The following FHIP2B variants were observed in gnomAD, a reference collection of about 807,000 sequenced individuals.
FHIP2B encodes FHF complex subunit HOOK interacting protein 2B, also known as FHF complex subunit HOOK-interacting protein 2B.
In FHIP2B, 72 loss-of-function variants were observed where a neutral mutation model predicts 84.0. The ratio of observed to expected loss-of-function variants is 0.86; its 90% confidence interval spans 0.71 to 1.04. The LOEUF (loss-of-function observed/expected upper bound fraction) is 1.04, where lower values mean the gene tolerates loss of function less well. Ranked by LOEUF, FHIP2B falls within the 50% of genes least tolerant of loss-of-function variation. The pLI is 0.00. For missense variants in FHIP2B, 972 were observed against 968.9 expected (o/e 1.00, Z -0.04); for synonymous variants, 497 against 418.7 (o/e 1.19, Z -2.28).
chr8:22,099,078 C>G (rs1586335867), intron 8 of FHIP2B, 22 bp downstream of exon 8: 1 of 1,558,264 alleles, frequency 6.4e-7, no homozygotes, highest in Non-Finnish European at 8.7e-7. Context: ...CGGGCGGAGG[C>G]CGGGCTCTCA....
chr8:22,097,813 C>T lies in FHIP2B; in HGVS notation c.499C>T (p.Pro167Ser). 6.2e-7 allele frequency: 1 copy of T among 1,613,472 alleles called. No homozygotes were observed. Among genetic ancestry groups the T allele is most frequent in the Non-Finnish European group, 8.5e-7 (1 of 1,179,796 alleles). Residue 167 changes from proline to serine, a missense_variant, in exon 5 of 17, where the codon CCA becomes TCA. Transcript: ENST00000289921. ...CCTCTGCTCCAAGATCCAGCAGGACCCAGAGCTGCTCGCCTACATCCTGGA... is the reference window on the plus strand; with the variant it reads ...CCTCTGCTCCAAGATCCAGCAGGACTCAGAGCTGCTCGCCTACATCCTGGA... The part of the protein sequence containing the change: ...TVLCSKIQQD[P>S]ELLAYILEGK...
At chr8:22,099,124 A>G (rs1825958329) in intron 8 of FHIP2B, 68 bp downstream of exon 8, 2 of 1,504,268 alleles carry the variant, frequency 1.3e-6, no homozygotes, top group Non-Finnish European at 1.8e-6. Flanking sequence ...TCGAGGACCA[A>G]GTGGAGCAGG....
At position 22,094,533 on chromosome 8, in the gene FHIP2B, T is replaced by G. The variant is rs1281687802; in HGVS notation, c.124+15T>G. The G allele has an allele frequency of 6.2e-7, 1 of 1,608,294 alleles. No homozygotes were observed. The stretch of plus-strand genomic sequence containing the variant: ...CGAGAGCACAGGTGCGGCCTGGCCC[T>G]CCCCAGCCCAGGGACCCTGGAGGGA... On this transcript the variant is annotated intron_variant, in intron 2 of 16. Coordinates refer to ENST00000289921, the MANE Select transcript of FHIP2B (RefSeq NM_022749.7).
intron 5 of FHIP2B, 63 bp from the exon 6 acceptor site, chr8:22,098,004 TC>T: frequency 6.5e-7 from 1 of 1,532,478 alleles, no homozygotes; most frequent in East Asian, 2.3e-5. Context: ...CACCCTGCGG[TC>T]CCAGTGGGGG....
chr8:22,089,931 G>A, intron 1 of FHIP2B: 2 of 1,028,542 alleles, frequency 1.9e-6, no homozygotes, highest in Non-Finnish European at 2.6e-6. Flanking sequence ...TTCCAGCGTG[G>A]CTGTGACCCC....
intron 10 of FHIP2B, 68 bp from the exon 11 acceptor site, chr8:22,100,526 C>A: frequency 6.8e-7 from 1 of 1,460,292 alleles, no homozygotes; most frequent in Non-Finnish European, 9.0e-7. Flanking sequence ...TCTGGGTTAG[C>A]CATGCCAAGG....
intron 5 of FHIP2B, 80 bp from the exon 6 acceptor site, chr8:22,097,988 G>GA (rs1825874091): frequency 6.5e-7 from 1 of 1,527,452 alleles, no homozygotes; most frequent in Non-Finnish European, 8.8e-7. Flanking sequence ...CGCCCTGCTG[G>GA]CAGCCCACCC....
chr8:22,097,412 G>C (rs1455080370), intron 3 of FHIP2B, 104 bp from the exon 4 acceptor site: 9 of 725,732 alleles, frequency 1.2e-5, no homozygotes, highest in Non-Finnish European at 1.9e-5. Context: ...GCGGCAGGCA[G>C]GGGACACGGC....
At chr8:22,090,063 G>A (rs760333981) in intron 1 of FHIP2B, among the ~76,000 whole-genome samples, 11 of 151,004 alleles carry the variant, frequency 7.3e-5, no homozygotes, top group Non-Finnish European at 1.5e-4. Flanking sequence ...ATTTTTTGTT[G>A]GGGCTGCAGG....
Position 22,102,172 on chromosome 8 carries a change from C to G in FHIP2B, c.1852-3C>G. The G allele has an allele frequency of 6.2e-7, 1 of 1,613,494 alleles. No individual in the cohort carries two copies. The highest frequency in any genetic ancestry group is 8.5e-7 in the Non-Finnish European group (1 of 1,179,880). On this transcript the variant is annotated splice_polypyrimidine_tract_variant and splice_region_variant and intron_variant, in intron 14 of 16. Transcript: ENST00000289921. The stretch of plus-strand genomic sequence containing the variant: ...CTCGGCTCTGTCCACCATGTTCCTA[C>G]AGCCATACAGCCTGAACCTGCAGGT...
rs1039846082 is a variant in FHIP2B, at chr8:22,098,549, C to G, written c.895C>G (p.Gln299Glu). 2.5e-6 allele frequency: 4 copies of G among 1,611,938 alleles called. No individual in the cohort carries two copies. Among genetic ancestry groups the G allele is most frequent in the Non-Finnish European group, 3.4e-6 (4 of 1,179,176 alleles). Residue 299 changes from glutamine to glutamate, a missense_variant, in exon 7 of 17, where the codon CAG becomes GAG. Gln to Glu is a conservative substitution (Grantham distance 29). Coordinates refer to ENST00000289921, the MANE Select transcript of FHIP2B (RefSeq NM_022749.7). ...CCCTGCGATCGTCCGGCACCTTTGC[C>G]AGTTGTACCGGTCCATGCCTGTCTT... ...CCPAIVRHLC[Q>E]LYRSMPVFLD...
In FHIP2B at chr8:22,104,240, A is replaced by T. The variant is rs1826281754; in HGVS notation, c.*1309A>T. The T allele has an allele frequency of 6.6e-6, 1 of 152,046 alleles. No homozygotes were observed. Among genetic ancestry groups the T allele is most frequent in the African/African-American group, 2.4e-5 (1 of 41,176 alleles). The allele number at this position is 152,046 out of a possible 1,614,324, so 9.4% of individuals were successfully genotyped here. On this transcript the variant is annotated 3_prime_UTR_variant, in exon 17 of 17. Coordinates refer to ENST00000289921, the MANE Select transcript of FHIP2B (RefSeq NM_022749.7). ...GTGGACGGGGCGCAGATCTCCGTGG[A>T]TGAACTGCGTCTGGACTCTTAGATT... is the stretch of plus-strand genomic sequence containing the variant.
In FHIP2B at chr8:22,096,332, A is replaced by G; in HGVS notation, c.125-5A>G. On this transcript the variant is annotated splice_polypyrimidine_tract_variant and splice_region_variant and intron_variant, in intron 2 of 16. Transcript: ENST00000289921. ...TACTCACCCTTGTTTCCCAAACATC[A>G]TTAGATGAAAGCACCCCCGCCAAGA... 1.3e-6 allele frequency: 2 copies of G among 1,548,128 alleles called. No homozygotes were observed. Among genetic ancestry groups the G allele is most frequent in the South Asian group, 1.2e-5 (1 of 82,704 alleles).
chr8:22,101,095 A>G, intron 12 of FHIP2B, 123 bp downstream of exon 12: 2 of 1,286,100 alleles, frequency 1.6e-6, no homozygotes, highest in Non-Finnish European at 2.1e-6. Context: ...GGCTCACTGC[A>G]ACCTCCACCT....
intron 12 of FHIP2B, chr8:22,101,179 C>T (rs1826092708): frequency 1.5e-6 from 1 of 677,652 alleles, no homozygotes; most frequent in East Asian, 2.7e-5. Flanking sequence ...TGCACCACCA[C>T]ACCCAGCTAA....
intron 10 of FHIP2B, chr8:22,100,204 G>C (rs111713118): frequency 0.014 from 5,940 of 409,852 alleles, 50 homozygotes; most frequent in Non-Finnish European, 0.019. Context: ...AAAGTGCTGG[G>C]ACTGCAGGCA....
intron 14 of FHIP2B, 48 bp from the exon 15 acceptor site, chr8:22,102,127 A>G (rs13267096): frequency 0.31 from 496,845 of 1,610,964 alleles, 79,820 homozygotes; most frequent in East Asian, 0.6. Flanking sequence ...GTGCAAAAAT[A>G]CTCACCAGCC....
chr8:22,101,367 G>A, intron 12 of FHIP2B, 73 bp from the exon 13 acceptor site: 2 of 1,264,682 alleles, frequency 1.6e-6, no homozygotes, highest in South Asian at 1.3e-5. Context: ...AGTCAGGGAG[G>A]GAGATGGGGT....
In FHIP2B at chr8:22,102,160, A is replaced by C. The variant is rs765906199; in HGVS notation, c.1852-15A>C. On this transcript the variant is annotated splice_polypyrimidine_tract_variant and intron_variant, in intron 14 of 16. Transcript: ENST00000289921. ...GCCCTGCCAGCCCTCGGCTCTGTCC[A>C]CCATGTTCCTACAGCCATACAGCCT... 7 of 1,613,066 alleles carry C rather than the reference A, an allele frequency of 4.3e-6. No homozygotes were observed. The East Asian group carries it at 1.6e-4, about 36-fold the overall frequency.
Sources: gnomAD v4.1 joint callset for allele counts (sites outside exome capture counted in the v4.1 genomes callset) on GRCh38, gnomAD v4.1.1 for gene constraint, MANE v1.5 for transcripts, NCBI Gene and HGNC (gene_info 2026-07-23, HGNC 2026-07-21) for gene names.